The following HERC1 variants were observed in gnomAD, a reference collection of about 807,000 sequenced individuals.
The protein encoded by HERC1 is probable E3 ubiquitin-protein ligase HERC1.
In HERC1, 160 loss-of-function variants were observed where a neutral mutation model predicts 554.3. The observed-to-expected ratio is 0.29, with a 90% CI of 0.25 to 0.33. HERC1 has a LOEUF of 0.33. HERC1 is among the 10% of genes least tolerant of loss of function. The pLI is 1.00. For synonymous variants in HERC1, 2,175 were observed against 2,131.7 expected (o/e 1.02, Z -0.56); for missense variants, 4,919 against 5,918.5 (o/e 0.83, Z 5.54).
chr15:63,737,597 C>T (rs2074604075), intron 12 of HERC1, among the ~76,000 whole-genome samples: 1 of 133,134 alleles, frequency 7.5e-6, no homozygotes, highest in African/African-American at 2.8e-5. Context: ...GCCAGCTGGT[C>T]TTCAATTCCT....
At position 63,758,119 on chromosome 15, in the gene HERC1, A is replaced by G; in HGVS notation, c.1221+56T>C. ...ATACTCAGTATTATTTAATGCAAAT[A>G]AGCATGAATATACACCAGATTATCT... On this transcript the variant is annotated intron_variant, in intron 4 of 77. Coordinates refer to ENST00000443617, the MANE Select transcript of HERC1 (RefSeq NM_003922.4). This position sits in a 1 kb window ranked among gnomAD's most constrained non-coding sequence, Gnocchi z 4.0. 8.1e-7 allele frequency: 1 copy of G among 1,227,676 alleles called. No individual in the cohort carries two copies. Among genetic ancestry groups the G allele is most frequent in the Non-Finnish European group, 1.2e-6 (1 of 862,804 alleles). The allele number at this position is 1,227,676 out of a possible 1,614,324, so 76.0% of individuals were successfully genotyped here. A position where few individuals can be genotyped will look rare whatever the true frequency, so the allele number is the denominator to read the frequency against.
chr15:63,795,507 A>C (rs570086344), intron 1 of HERC1, among the ~76,000 whole-genome samples: 3 of 152,206 alleles, frequency 2.0e-5, no homozygotes, highest in Non-Finnish European at 4.4e-5. Context: ...TTTTATTTTC[A>C]ATCAAATAGA....
intron 24 of HERC1, among the ~76,000 whole-genome samples, chr15:63,709,755 T>G (rs775268385): frequency 2.0e-4 from 30 of 152,204 alleles, no homozygotes; most frequent in Non-Finnish European, 4.4e-4. Context: ...ATCAGGGGCA[T>G]TTAGGAAAAA....
At chr15:63,639,542 A>C in intron 61 of HERC1, among the ~76,000 whole-genome samples, 1 of 152,190 alleles carries the variant, frequency 6.6e-6, no homozygotes, top group East Asian at 1.9e-4. Context: ...CAGTTACATA[A>C]TTTTACTTAA....
At chr15:63,806,107 C>T (rs1463445978) in intron 1 of HERC1, among the ~76,000 whole-genome samples, 1 of 151,984 alleles carries the variant, frequency 6.6e-6, no homozygotes, top group Non-Finnish European at 1.5e-5. Context: ...CTTAACTCAT[C>T]ATCACTACAG....
At chr15:63,702,548 C>T (rs1000307639) in intron 25 of HERC1, among the ~76,000 whole-genome samples, 20 of 152,140 alleles carry the variant, frequency 1.3e-4, no homozygotes, top group African/African-American at 4.6e-4. Flanking sequence ...TCTGCAAAAA[C>T]GTATTGTCTT....
intron 63 of HERC1, 61 bp downstream of exon 63, chr15:63,638,350 G>A: frequency 6.5e-7 from 1 of 1,534,566 alleles, no homozygotes. Flanking sequence ...AATAAGACAA[G>A]CAAAAGAATT....
intron 42 of HERC1, 71 bp downstream of exon 42, chr15:63,665,848 C>G: frequency 1.9e-6 from 2 of 1,060,190 alleles, no homozygotes; most frequent in East Asian, 4.8e-5. Flanking sequence ...GCATTTATGA[C>G]GGGATATATA....
chr15:63,629,956 C>G (rs1386219174), intron 69 of HERC1, among the ~76,000 whole-genome samples: 1 of 152,156 alleles, frequency 6.6e-6, no homozygotes, highest in Non-Finnish European at 1.5e-5. Flanking sequence ...ATCAGTATCT[C>G]AGAGGCTCAG....
chr15:63,642,102 A>G (rs2069094080), intron 59 of HERC1, among the ~76,000 whole-genome samples: 1 of 152,202 alleles, frequency 6.6e-6, no homozygotes, highest in Non-Finnish European at 1.5e-5. Flanking sequence ...GAAGGTTTAC[A>G]GCTTATTTTA....
chr15:63,670,223 A>AT (rs1377395179), intron 39 of HERC1, among the ~76,000 whole-genome samples: 1 of 152,168 alleles, frequency 6.6e-6, no homozygotes, highest in Non-Finnish European at 1.5e-5. Context: ...TACATGAATG[A>AT]TATGTCAGCG....
intron 12 of HERC1, among the ~76,000 whole-genome samples, chr15:63,739,824 CA>C (rs2074718025): frequency 6.6e-6 from 1 of 152,114 alleles, no homozygotes; most frequent in South Asian, 2.1e-4. Context: ...GGCGACAGAG[CA>C]AGACTCTGTC....
chr15:63,806,211 G>A (rs1187874496), intron 1 of HERC1, among the ~76,000 whole-genome samples: 1 of 151,356 alleles, frequency 6.6e-6, no homozygotes, highest in African/African-American at 2.4e-5. Flanking sequence ...TGTTGCCCAG[G>A]CTAGAGTGCA....
At chr15:63,799,687 G>A (rs948412174) in intron 1 of HERC1, among the ~76,000 whole-genome samples, 8 of 152,136 alleles carry the variant, frequency 5.3e-5, no homozygotes, top group African/African-American at 1.9e-4. Context: ...AAAGACAGAA[G>A]ATGGAAAATG....
chr15:63,652,379 A>G (rs2152894360), intron 52 of HERC1, 35 bp downstream of exon 52: 1 of 1,567,060 alleles, frequency 6.4e-7, no homozygotes, highest in South Asian at 1.2e-5. Flanking sequence ...GGATTCTCTT[A>G]TTTTAAATGG....
chr15:63,824,392 G>A (rs1326307748), intron 1 of HERC1, among the ~76,000 whole-genome samples: 2 of 151,900 alleles, frequency 1.3e-5, no homozygotes, highest in African/African-American at 2.4e-5. Context: ...AAATTAGCCG[G>A]GTGTGGTGGC....
chr15:63,815,483 C>A (rs1015173040), intron 1 of HERC1, among the ~76,000 whole-genome samples: 1 of 152,148 alleles, frequency 6.6e-6, no homozygotes, highest in East Asian at 1.9e-4. Context: ...TAATGAAAAC[C>A]GTGCCTGGAT....
chr15:63,770,758 C>A (rs1019205689), intron 2 of HERC1, among the ~76,000 whole-genome samples: 1 of 152,168 alleles, frequency 6.6e-6, no homozygotes, highest in Non-Finnish European at 1.5e-5. Context: ...TAACTTATAG[C>A]TGGGAGATAA....
At chr15:63,647,851 G>A (rs1282947949) in intron 55 of HERC1, among the ~76,000 whole-genome samples, 1 of 152,192 alleles carries the variant, frequency 6.6e-6, no homozygotes, top group East Asian at 1.9e-4. Flanking sequence ...GAACTCACGT[G>A]TACACACGGG....
Sources: gnomAD v4.1 joint callset for allele counts (sites outside exome capture counted in the v4.1 genomes callset) on GRCh38, gnomAD v4.1.1 for gene constraint, Gnocchi (gnomAD v3.1) non-coding constraint, MANE v1.5 for transcripts, NCBI Gene and HGNC (gene_info 2026-07-23, HGNC 2026-07-21) for gene names.